CSPG5: variants seen among roughly 807,000 people sequenced by gnomAD.
The protein encoded by CSPG5 is acidic leucine-rich EGF-like domain-containing brain protein.
A neutral mutation model predicts 39.8 loss-of-function variants in CSPG5; 25 were observed. That is an observed-to-expected ratio of 0.63 (90% CI 0.46 to 0.88). The LOEUF (loss-of-function observed/expected upper bound fraction) is 0.88. CSPG5 is among the 40% of genes least tolerant of loss of function. The pLI is 0.00. For missense variants in CSPG5, 627 were observed against 702.2 expected (o/e 0.89, Z 1.21); for synonymous variants, 295 against 303.9 (o/e 0.97, Z 0.31).
rs138748883 is a variant in CSPG5 at position 47,563,470 on chromosome 3, C to CT, written c.1459-710dup. Among the ~76,000 whole-genome samples the CT allele has an allele frequency of 8.2e-3, 1,252 of 152,332 alleles. 14 individuals carry two copies. Among genetic ancestry groups the CT allele is most frequent in the African/African-American group, 0.029 (1,185 of 41,570 alleles). ...TAATGTAATAATCCATGTATATTGC[C>CT]TACAGCCCTGTGACAAGCTCCCTCT... On this transcript the variant is annotated intron_variant, in intron 4 of 4. Transcript: ENST00000264723.
intron 4 of CSPG5, among the ~76,000 whole-genome samples, chr3:47,563,560 T>G (rs974978113): frequency 6.6e-6 from 1 of 152,314 alleles, no homozygotes; most frequent in South Asian, 2.1e-4. Context: ...GATGTATTTA[T>G]TTATTTATTC....
chr3:47,574,017 T>A (rs2031616464), intron 2 of CSPG5, among the ~76,000 whole-genome samples: 1 of 151,554 alleles, frequency 6.6e-6, no homozygotes, highest in Non-Finnish European at 1.5e-5. Context: ...CTCCTGTGAG[T>A]GGAATGCAAA....
intron 3 of CSPG5, among the ~76,000 whole-genome samples, chr3:47,570,144 A>G (rs1002098819): frequency 6.6e-6 from 1 of 151,750 alleles, no homozygotes; most frequent in Non-Finnish European, 1.5e-5. Context: ...AGTGTGTTAT[A>G]TAGGTATATG....
Position 47,576,814 on chromosome 3 carries a change from C to T in CSPG5, c.1193+19G>A, listed in dbSNP as rs1213122289. The stretch of plus-strand genomic sequence containing the variant: ...TACACTCTTCAGTGTCCCTATGCAC[C>T]TGCCTGCCATGCCCTTACCTGCAGA... On this transcript the variant is annotated intron_variant, in intron 2 of 4. Transcript: ENST00000264723. The T allele has an allele frequency of 1.2e-5, 18 of 1,535,414 alleles. No homozygotes were observed. The highest frequency in any genetic ancestry group is 1.4e-5 in the Non-Finnish European group (16 of 1,140,964).
At chr3:47,567,809 C>T (rs183840361) in intron 4 of CSPG5, among the ~76,000 whole-genome samples, 96 of 152,220 alleles carry the variant, frequency 6.3e-4, no homozygotes, top group South Asian at 2.5e-3. Flanking sequence ...CCCAGGGGTT[C>T]GAGACCAGCC....
Position 47,577,978 on chromosome 3 carries a change from GC to G in CSPG5, c.98-51del. On this transcript the variant is annotated intron_variant, in intron 1 of 4. Coordinates refer to ENST00000264723, the MANE Select transcript of CSPG5 (RefSeq NM_006574.4). This position sits in a 1 kb window ranked among gnomAD's most constrained non-coding sequence, Gnocchi z 4.7. ...GGACGTCAGGGCGGCGCGCTGAGGA[GC>G]CCTGGAGCCCCGGCCCGCCCCGGTC... is the stretch of plus-strand genomic sequence containing the variant. 1.5e-6 allele frequency: 2 copies of G among 1,370,306 alleles called. No individual in the cohort carries two copies. The highest frequency in any genetic ancestry group is 9.3e-7 in the Non-Finnish European group (1 of 1,071,022). 84.9% of individuals were successfully genotyped at this position (1,370,306 alleles called of 1,614,324 possible).
Position 47,573,006 on chromosome 3 carries a change from C to T in CSPG5, c.1194-132G>A, listed in dbSNP as rs549564113. 9.4e-4 allele frequency: 641 copies of T among 681,626 alleles called. 1 individual carries two copies. Among genetic ancestry groups the T allele is most frequent in the South Asian group, 1.9e-3 (87 of 45,498 alleles). The allele number at this position is 681,626 out of a possible 1,614,324, so 42.2% of individuals were successfully genotyped here. A position where few individuals can be genotyped will look rare whatever the true frequency, so the allele number is the denominator to read the frequency against. On this transcript the variant is annotated intron_variant, in intron 2 of 4. Transcript: ENST00000264723. ...GCCATCTAGAGGAACTGCAATGCTC[C>T]GAATCTGCACAGACCTCAGAGCTGG...
At chr3:47,574,667 C>A (rs757147295) in intron 2 of CSPG5, among the ~76,000 whole-genome samples, 2 of 152,130 alleles carry the variant, frequency 1.3e-5, no homozygotes, top group Non-Finnish European at 2.9e-5. Flanking sequence ...CGGCTGGGCG[C>A]GGTGGCTCAC....
At position 47,577,831 on chromosome 3, in the gene CSPG5, TG is replaced by T; in HGVS notation, c.194del (p.Pro65HisfsTer31). On this transcript the variant is annotated frameshift_variant, in exon 2 of 5. Coordinates refer to ENST00000264723, the MANE Select transcript of CSPG5 (RefSeq NM_006574.4). LOFTEE classifies it high-confidence loss of function. This position sits in a 1 kb window ranked among gnomAD's most constrained non-coding sequence, Gnocchi z 4.7. Reference protein sequence around the residue: ...PANDTREEAGPPAAGEDEASW... With the variant: ...PANDTREEAGXPAAGEDEASW... ...ACGCCTCATCTTCCCCAGCCGCTGG[TG>T]GGCCGGCTTCTTCCCGCGTGTCGTT... is the stretch of plus-strand genomic sequence containing the variant. 1 of 1,567,066 alleles carries T rather than the reference TG, an allele frequency of 6.4e-7. No homozygotes were observed. The highest frequency in any genetic ancestry group is 1.1e-5 in the South Asian group (1 of 86,988).
chr3:47,569,308 A>G, intron 3 of CSPG5, 81 bp from the exon 4 acceptor site: 1 of 1,457,360 alleles, frequency 6.9e-7, no homozygotes, highest in Non-Finnish European at 9.5e-7. Context: ...CTTCTGGATC[A>G]AATACTGTAT....
Position 47,578,616 on chromosome 3 carries a change from C to T in CSPG5, c.78G>A (p.Leu26=). ...LLLFLGAALV[L]ASGAVPAREA... ...ACCTACCCGGCACGGCCCCAGAGGC[C>T]AGGACCAGCGCGGCCCCCAGAAACA... The change falls in exon 1 of 5, where the codon CTG becomes CTA. Residue 26 remains leucine (L), a synonymous_variant. Coordinates refer to ENST00000264723, the MANE Select transcript of CSPG5 (RefSeq NM_006574.4). The surrounding 1 kb of genome is among the most constrained non-coding windows in gnomAD (Gnocchi z 6.0). 1.7e-6 allele frequency: 2 copies of T among 1,170,158 alleles called. No individual in the cohort carries two copies. The highest frequency in any genetic ancestry group is 2.1e-6 in the Non-Finnish European group (2 of 945,578). The allele number at this position is 1,170,158 out of a possible 1,614,324, so 72.5% of individuals were successfully genotyped here.
chr3:47,571,581 C>G (rs966506254), intron 3 of CSPG5, among the ~76,000 whole-genome samples: 4 of 152,220 alleles, frequency 2.6e-5, no homozygotes, highest in African/African-American at 9.6e-5. Context: ...ATGGAGAGGC[C>G]GTACCAGCCC....
upstream of CSPG5, chr3:47,579,622 C>T (rs1249428201): frequency 6.6e-6 from 1 of 152,266 alleles, no homozygotes; most frequent in Non-Finnish European, 1.5e-5. This position sits in a 1 kb window ranked among gnomAD's most constrained non-coding sequence, Gnocchi z 4.2. Context: ...TAATCCTGGT[C>T]CCTTCTCCGG....
intron 3 of CSPG5, among the ~76,000 whole-genome samples, chr3:47,571,068 C>T (rs991830774): frequency 7.3e-6 from 1 of 136,822 alleles, no homozygotes; most frequent in Non-Finnish European, 1.5e-5. Context: ...CCCTGGGTAA[C>T]ATAGTGAGAC....
Position 47,577,374 on chromosome 3 carries a change from C to T in CSPG5, c.652G>A (p.Gly218Ser). 3.1e-6 allele frequency: 5 copies of T among 1,614,212 alleles called. No individual in the cohort carries two copies. Among genetic ancestry groups the T allele is most frequent in the Non-Finnish European group, 1.7e-6 (2 of 1,180,028 alleles). The change falls in exon 2 of 5, where the codon GGT (glycine) becomes AGT (serine). Residue 218 changes from glycine to serine, a missense_variant. Gly to Ser is a moderately conservative substitution (Grantham distance 56). Coordinates refer to ENST00000264723, the MANE Select transcript of CSPG5 (RefSeq NM_006574.4). This position sits in a 1 kb window ranked among gnomAD's most constrained non-coding sequence, Gnocchi z 4.7. ...IDIDYFEGLD[G>S]EGRGADLGSF... is the part of the protein sequence containing the mutation. ...CCCAGATCTGCGCCACGACCCTCAC[C>T]ATCCAGTCCTTCGAAGTAGTCGATG...
chr3:47,562,753 A>G lies in CSPG5; in HGVS notation c.1467T>C (p.Pro489=). ...IAEGSHPNDD[P]SAPHKIQEVL... Reference sequence around the variant, plus strand: ...CCTCCTGGATTTTGTGGGGAGCACTAGGATCATCCTGGAAGAGGGAAAAAG... The same window carrying G: ...CCTCCTGGATTTTGTGGGGAGCACTGGGATCATCCTGGAAGAGGGAAAAAG... The change falls in exon 5 of 5, where the codon CCT becomes CCC. Residue 489 remains proline, a synonymous_variant. Transcript: ENST00000264723. 2 of 1,606,080 alleles carry G rather than the reference A, an allele frequency of 1.2e-6. No homozygotes were observed. Among genetic ancestry groups the G allele is most frequent in the East Asian group, 2.3e-5 (1 of 44,268 alleles).
rs1242955144 is a variant in CSPG5 at position 47,572,052 on chromosome 3, T to C, written c.1382+634A>G. 6.6e-6 allele frequency among the ~76,000 whole-genome samples: 1 copy of C among 152,136 alleles called. No homozygotes were observed. Among genetic ancestry groups the C allele is most frequent in the Non-Finnish European group, 1.5e-5 (1 of 68,008 alleles). On this transcript the variant is annotated intron_variant, in intron 3 of 4. Coordinates refer to ENST00000264723, the MANE Select transcript of CSPG5 (RefSeq NM_006574.4). The surrounding 1 kb of genome is among the most constrained non-coding windows in gnomAD (Gnocchi z 4.5). ...TCTACATCCCGTATGGCCCTTAAAA[T>C]CCACAGTAGAGGAAGTTAACCCTAG...
chr3:47,568,296 G>A lies in CSPG5; in HGVS notation c.1458+856C>T, dbSNP rs547095737. ...GTGGCATGATTTGAGATTTGGATAT[G>A]GTTTCTGCCTTGTTTTTGAAATTCT... On this transcript the variant is annotated intron_variant, in intron 4 of 4. Coordinates refer to ENST00000264723, the MANE Select transcript of CSPG5 (RefSeq NM_006574.4). Among the ~76,000 whole-genome samples the A allele has an allele frequency of 3.3e-5, 5 of 152,316 alleles. No homozygotes were observed. The South Asian group carries it at 1.0e-3, about 32-fold the overall frequency.
At chr3:47,570,521 T>A (rs2031488726) in intron 3 of CSPG5, among the ~76,000 whole-genome samples, 1 of 152,048 alleles carries the variant, frequency 6.6e-6, no homozygotes, top group African/African-American at 2.4e-5. Flanking sequence ...GAGCTTTTTT[T>A]TTTTTTGAGA....
Sources: gnomAD v4.1 joint callset for allele counts (sites outside exome capture counted in the v4.1 genomes callset) on GRCh38, gnomAD v4.1.1 for gene constraint, Gnocchi (gnomAD v3.1) non-coding constraint, MANE v1.5 for transcripts, NCBI Gene and HGNC (gene_info 2026-07-23, HGNC 2026-07-21) for gene names.